The following CPQ variants were observed in gnomAD, a reference collection of about 807,000 sequenced individuals.
CPQ encodes the protein carboxypeptidase Q.
Under a neutral mutation model 45.7 loss-of-function variants are expected in CPQ, and 37 were observed. The ratio of observed to expected loss-of-function variants is 0.81; its 90% CI spans 0.62 to 1.07. The LOEUF (loss-of-function observed/expected upper bound fraction) is 1.07. Among genes scored for constraint, CPQ ranks in the 50% least tolerant of loss-of-function variants. The pLI is 0.00. For missense variants in CPQ, 537 were observed against 572.9 expected (o/e 0.94, Z 0.64); for synonymous variants, 186 against 205.8 (o/e 0.90, Z 0.82).
chr8:96,856,976 T>C (rs1253808495), intron 3 of CPQ, among the ~76,000 whole-genome samples: 2 of 152,168 alleles, frequency 1.3e-5, no homozygotes, highest in Non-Finnish European at 2.9e-5. Flanking sequence ...TCCTGGAGCA[T>C]CCTCAGTACC....
intron 3 of CPQ, among the ~76,000 whole-genome samples, chr8:96,845,374 G>A (rs1811670766): frequency 6.6e-6 from 1 of 152,146 alleles, no homozygotes; most frequent in African/African-American, 2.4e-5. Context: ...TGCTGGCACA[G>A]GGCAGGTACT....
intron 3 of CPQ, among the ~76,000 whole-genome samples, chr8:96,876,181 C>T (rs1812142702): frequency 6.6e-6 from 1 of 151,922 alleles, no homozygotes; most frequent in South Asian, 2.1e-4. Flanking sequence ...CCTTGATGAA[C>T]TTCTTAATTA....
At chr8:96,912,791 C>T (rs929802459) in intron 4 of CPQ, among the ~76,000 whole-genome samples, 1 of 152,164 alleles carries the variant, frequency 6.6e-6, no homozygotes, top group African/African-American at 2.4e-5. Flanking sequence ...TCAAATCTCC[C>T]TCGGCTACAT....
At chr8:96,682,959 T>G (rs915013994) in intron 1 of CPQ, among the ~76,000 whole-genome samples, 3 of 152,190 alleles carry the variant, frequency 2.0e-5, no homozygotes, top group Admixed American at 2.0e-4. Context: ...TATTGATAAA[T>G]GAGGAAATAT....
At chr8:97,109,069 C>T (rs1811457983) in intron 7 of CPQ, among the ~76,000 whole-genome samples, 1 of 152,188 alleles carries the variant, frequency 6.6e-6, no homozygotes, top group Non-Finnish European at 1.5e-5. Flanking sequence ...TTGCCTCATA[C>T]TTACCAACTT....
intron 1 of CPQ, among the ~76,000 whole-genome samples, chr8:96,679,828 G>C (rs1033375560): frequency 2.1e-4 from 31 of 150,496 alleles, no homozygotes; most frequent in Admixed American, 1.8e-3. Context: ...GGTTACTATA[G>C]CTAGCAGTTT....
intron 3 of CPQ, among the ~76,000 whole-genome samples, chr8:96,869,640 T>G (rs1812040458): frequency 6.6e-6 from 1 of 152,122 alleles, no homozygotes. Flanking sequence ...AAATCCTTTC[T>G]GCTGGTGAAG....
chr8:97,131,364 T>C (rs1201959324), intron 7 of CPQ, among the ~76,000 whole-genome samples: 1 of 152,248 alleles, frequency 6.6e-6, no homozygotes, highest in East Asian at 1.9e-4. Context: ...GAGCTGCCTC[T>C]AAAGAAATTC....
chr8:97,018,503 G>A (rs927311866), intron 5 of CPQ, among the ~76,000 whole-genome samples: 18 of 152,250 alleles, frequency 1.2e-4, no homozygotes, highest in African/African-American at 3.9e-4. Flanking sequence ...TACAAGAAGT[G>A]AAGGGAGAAA....
chr8:96,841,808 C>G (rs1471625651), intron 3 of CPQ, among the ~76,000 whole-genome samples: 1 of 152,052 alleles, frequency 6.6e-6, no homozygotes, highest in Admixed American at 6.6e-5. Context: ...ATGAGTGAAT[C>G]CAGGTGATGT....
At chr8:96,749,395 A>G (rs945526271) in intron 1 of CPQ, among the ~76,000 whole-genome samples, 4 of 152,172 alleles carry the variant, frequency 2.6e-5, no homozygotes, top group Non-Finnish European at 5.9e-5. Flanking sequence ...GCTTGGAACT[A>G]CCTTTTTAGA....
At chr8:97,068,875 G>A (rs972843861) in intron 7 of CPQ, among the ~76,000 whole-genome samples, 1 of 152,164 alleles carries the variant, frequency 6.6e-6, no homozygotes, top group Admixed American at 6.5e-5. Context: ...GGCCATTTTG[G>A]CTTCAAGGCT....
At chr8:96,760,377 G>A (rs1413028953) in intron 1 of CPQ, among the ~76,000 whole-genome samples, 2 of 152,278 alleles carry the variant, frequency 1.3e-5, no homozygotes, top group Admixed American at 1.3e-4. Flanking sequence ...GGTTCAGAGA[G>A]GTAAAGAAAC....
chr8:97,121,798 A>G (rs988384965), intron 7 of CPQ, among the ~76,000 whole-genome samples: 2 of 152,102 alleles, frequency 1.3e-5, no homozygotes, highest in African/African-American at 4.8e-5. Flanking sequence ...TGAAAAGAGA[A>G]ATGGAAACTA....
At chr8:96,702,725 T>A (rs1197587817) in intron 1 of CPQ, among the ~76,000 whole-genome samples, 10 of 152,198 alleles carry the variant, frequency 6.6e-5, no homozygotes, top group Admixed American at 6.5e-4. Context: ...AGGTTTCAAA[T>A]GCAGGATTTA....
At chr8:97,000,880 GT>G (rs1359006081) in intron 5 of CPQ, among the ~76,000 whole-genome samples, 1 of 152,112 alleles carries the variant, frequency 6.6e-6, no homozygotes, top group African/African-American at 2.4e-5. Flanking sequence ...AGCATGGAAT[GT>G]TTTTCCATTT....
At chr8:97,139,222 C>A (rs765356999) in intron 7 of CPQ, among the ~76,000 whole-genome samples, 29 of 152,082 alleles carry the variant, frequency 1.9e-4, no homozygotes, top group Non-Finnish European at 3.8e-4. Flanking sequence ...AATTTGTATA[C>A]CCCTAACAGC....
At chr8:96,775,812 A>C (rs1191289015) in intron 1 of CPQ, among the ~76,000 whole-genome samples, 1 of 152,164 alleles carries the variant, frequency 6.6e-6, no homozygotes, top group Non-Finnish European at 1.5e-5. Flanking sequence ...TACCAGTAGA[A>C]TCTCCATACC....
In CPQ at chr8:96,686,727, T is replaced by C. The variant is rs564348679; in HGVS notation, c.-35+41325T>C. ...TACATTTGAAGATTTTCTTTTTTTTTCCTATGCTCTACAACACTTTGAATG... is the reference window on the plus strand; with the variant it reads ...TACATTTGAAGATTTTCTTTTTTTTCCCTATGCTCTACAACACTTTGAATG... On this transcript the variant is annotated intron_variant, in intron 1 of 7. Coordinates refer to ENST00000220763, the MANE Select transcript of CPQ (RefSeq NM_016134.4). 8.5e-5 allele frequency among the ~76,000 whole-genome samples: 13 copies of C among 152,212 alleles called. No homozygotes were observed. The South Asian group carries it at 1.0e-3, about 12-fold the overall frequency.
Sources: gnomAD v4.1 joint callset for allele counts (sites outside exome capture counted in the v4.1 genomes callset) on GRCh38, gnomAD v4.1.1 for gene constraint, MANE v1.5 for transcripts, NCBI Gene and HGNC (gene_info 2026-07-23, HGNC 2026-07-21) for gene names.